Variants in ZEB1 observed in about 807,000 individuals in gnomAD.
ZEB1 encodes zinc finger E-box binding homeobox 1.
In ZEB1, 21 loss-of-function variants were observed where a neutral mutation model predicts 84.9. The ratio of observed to expected loss-of-function variants is 0.25; its 90% CI spans 0.18 to 0.36. ZEB1 has a LOEUF of 0.36. Among genes scored for constraint, ZEB1 ranks in the 10% least tolerant of loss-of-function variants. The probability of loss-of-function intolerance (pLI) is 1.00; values close to 1 mark genes in which losing one functional copy is unlikely to be tolerated. For missense variants in ZEB1, 1,104 were observed against 1,330.2 expected (o/e 0.83, Z 2.65); for synonymous variants, 420 against 471.1 (o/e 0.89, Z 1.41).
At chr10:31,359,186 C>T (rs1005026016) in intron 1 of ZEB1, among the ~76,000 whole-genome samples, 2 of 152,132 alleles carry the variant, frequency 1.3e-5, no homozygotes, top group African/African-American at 4.8e-5. Context: ...TGTTTTGGCA[C>T]TTCTGCTGTA....
chr10:31,427,365 C>A (rs977141029), intron 1 of ZEB1, among the ~76,000 whole-genome samples: 2 of 152,006 alleles, frequency 1.3e-5, no homozygotes, highest in African/African-American at 4.8e-5. Flanking sequence ...TTTTGGAACC[C>A]CAACTCAGTA....
chr10:31,505,282 TC>T (rs1430617892), intron 4 of ZEB1, among the ~76,000 whole-genome samples: 1 of 152,132 alleles, frequency 6.6e-6, no homozygotes, highest in African/African-American at 2.4e-5. Context: ...GGTTTTGGTA[TC>T]AAGATAGTGA....
chr10:31,391,782 G>A (rs2049783994), intron 1 of ZEB1, among the ~76,000 whole-genome samples: 1 of 152,092 alleles, frequency 6.6e-6, no homozygotes, highest in African/African-American at 2.4e-5. Context: ...TTTACCTGGG[G>A]ATCCTTGGAT....
intron 2 of ZEB1, among the ~76,000 whole-genome samples, chr10:31,476,448 G>T (rs2064200824): frequency 6.6e-6 from 1 of 151,402 alleles, no homozygotes; most frequent in Non-Finnish European, 1.5e-5. Context: ...TATGAGTAAG[G>T]AAATTGAATC....
At chr10:31,318,801 T>G, upstream of ZEB1, 1 of 315,220 alleles carries the variant, frequency 3.2e-6, no homozygotes, top group Non-Finnish European at 6.3e-6. Context: ...GGGCACAGGG[T>G]ACAGGGAGAA....
intron 1 of ZEB1, among the ~76,000 whole-genome samples, chr10:31,438,267 G>A (rs1591260902): frequency 6.6e-6 from 1 of 152,114 alleles, no homozygotes; most frequent in East Asian, 1.9e-4. Context: ...ATGTTATGTA[G>A]CCATGAATAG....
intron 1 of ZEB1, among the ~76,000 whole-genome samples, chr10:31,437,919 G>A (rs1030985503): frequency 3.9e-5 from 6 of 152,088 alleles, no homozygotes; most frequent in African/African-American, 4.8e-5. Flanking sequence ...TAATCGATAA[G>A]CCTCAAAGCC....
intron 1 of ZEB1, among the ~76,000 whole-genome samples, chr10:31,366,028 G>T (rs976801658): frequency 5.9e-5 from 9 of 152,168 alleles, no homozygotes; most frequent in Admixed American, 1.3e-4. Flanking sequence ...GCGAGCTGCT[G>T]GCTCTAGCAA....
At chr10:31,524,981 C>T (rs1377285793) in intron 8 of ZEB1, among the ~76,000 whole-genome samples, 1 of 152,206 alleles carries the variant, frequency 6.6e-6, no homozygotes, top group Non-Finnish European at 1.5e-5. Flanking sequence ...CAAACTATAG[C>T]TCACAGGCCA....
At chr10:31,325,505 T>C (rs1236167810) in intron 1 of ZEB1, among the ~76,000 whole-genome samples, 2 of 152,070 alleles carry the variant, frequency 1.3e-5, no homozygotes, top group Non-Finnish European at 2.9e-5. Flanking sequence ...TGAGACTTGG[T>C]ACATGGAGGT....
chr10:31,319,056 A>G, upstream of ZEB1: 1 of 606,524 alleles, frequency 1.6e-6, no homozygotes. Flanking sequence ...GTCCCTAGCA[A>G]CAAGGTTCCG....
At chr10:31,447,781 A>T (rs878872218) in intron 1 of ZEB1, among the ~76,000 whole-genome samples, 1 of 151,720 alleles carries the variant, frequency 6.6e-6, no homozygotes, top group African/African-American at 2.4e-5. Flanking sequence ...CCGAGAGATC[A>T]GCTGTTAGTC....
chr10:31,430,719 A>G (rs141155394), intron 1 of ZEB1, among the ~76,000 whole-genome samples: 14 of 152,346 alleles, frequency 9.2e-5, no homozygotes, highest in Admixed American at 7.2e-4. Context: ...CATAATTTAT[A>G]TAGGAAATAA....
intron 2 of ZEB1, among the ~76,000 whole-genome samples, chr10:31,481,528 C>T (rs896821715): frequency 2.5e-4 from 38 of 151,820 alleles, no homozygotes; most frequent in African/African-American, 8.2e-4. Flanking sequence ...TCAGGTGCAG[C>T]GGCATGCACC....
intron 1 of ZEB1, among the ~76,000 whole-genome samples, chr10:31,451,956 A>G (rs2060614486): frequency 2.0e-5 from 3 of 152,146 alleles, no homozygotes; most frequent in African/African-American, 7.2e-5. Flanking sequence ...AGCAATGACA[A>G]CCCTTTCCCT....
At chr10:31,504,464 A>T (rs2068615445) in intron 4 of ZEB1, among the ~76,000 whole-genome samples, 1 of 152,002 alleles carries the variant, frequency 6.6e-6, no homozygotes. Context: ...TAAAAGTTTT[A>T]GGATTGTTTT....
chr10:31,387,088 C>G, intron 1 of ZEB1: 1 of 985,556 alleles, frequency 1.0e-6, no homozygotes, highest in Non-Finnish European at 1.2e-6. Context: ...ATAGTTTGAT[C>G]CCAGTATAAT....
rs1191267785 is a variant in ZEB1 at position 31,461,249 on chromosome 10, T to A, written c.259+12T>A. On this transcript the variant is annotated intron_variant, in intron 2 of 8. Coordinates refer to ENST00000424869, the MANE Select transcript of ZEB1 (RefSeq NM_001174096.2). ...CTGGGAGGATGACAGTAAGTCTGAT[T>A]TTTTTTTGTAATATTGTATTCTCAT... 3 of 1,603,238 alleles carry A rather than the reference T, an allele frequency of 1.9e-6. No homozygotes were observed. Among genetic ancestry groups the A allele is most frequent in the Non-Finnish European group, 2.6e-6 (3 of 1,174,058 alleles).
chr10:31,452,701 A>ATATGTG (rs1554878661), intron 1 of ZEB1, among the ~76,000 whole-genome samples: 3 of 90,352 alleles, frequency 3.3e-5, no homozygotes, highest in Middle Eastern at 6.6e-3. Flanking sequence ...TTAGGATAAA[A>ATATGTG]TGTGTGTGTG....
Sources: allele counts gnomAD v4.1 joint callset (sites outside exome capture counted in the v4.1 genomes callset), GRCh38; gene constraint gnomAD v4.1.1; transcripts MANE v1.5; gene names NCBI Gene and HGNC (gene_info 2026-07-23, HGNC 2026-07-21).